The following SCAI variants were observed in gnomAD, a reference collection of about 807,000 sequenced individuals.
SCAI encodes suppressor of cancer cell invasion, also known as protein SCAI.
Under a neutral mutation model 92.2 loss-of-function variants are expected in SCAI, and 24 were observed. That is an observed-to-expected ratio of 0.26 (90% CI 0.19 to 0.37). The LOEUF (loss-of-function observed/expected upper bound fraction) is 0.37. Among genes scored for constraint, SCAI ranks in the 10% least tolerant of loss-of-function variants. SCAI has a pLI of 1.00. For synonymous variants in SCAI, 261 were observed against 258.6 expected (o/e 1.01, Z -0.09); for missense variants, 450 against 736.2 (o/e 0.61, Z 4.50).
At chr9:125,004,644 T>C (rs1832436256) in intron 9 of SCAI, among the ~76,000 whole-genome samples, 1 of 148,980 alleles carries the variant, frequency 6.7e-6, no homozygotes, top group African/African-American at 2.5e-5. Context: ...GCCCGAATTC[T>C]ATACACAGAA....
At chr9:124,971,246 A>T in intron 17 of SCAI, 124 bp downstream of exon 17, 1 of 502,094 alleles carries the variant, frequency 2.0e-6, no homozygotes. Flanking sequence ...TGTAAATATT[A>T]TTTTGAATTT....
chr9:124,987,116 C>G (rs565902168), intron 14 of SCAI, among the ~76,000 whole-genome samples: 3 of 152,096 alleles, frequency 2.0e-5, no homozygotes, highest in Non-Finnish European at 2.9e-5. Context: ...CACTGCCTCC[C>G]AGGTTCAAGA....
intron 2 of SCAI, among the ~76,000 whole-genome samples, chr9:125,071,502 CAG>C (rs1234670055): frequency 1.3e-5 from 2 of 152,084 alleles, no homozygotes; most frequent in South Asian, 2.1e-4. Context: ...ACCATGAGGA[CAG>C]AGAGTTTAAG....
At chr9:124,991,980 G>C (rs897294941) in intron 14 of SCAI, among the ~76,000 whole-genome samples, 1 of 152,134 alleles carries the variant, frequency 6.6e-6, no homozygotes, top group Non-Finnish European at 1.5e-5. Context: ...GCAGTGGCAC[G>C]ATCGCAGCTC....
chr9:125,008,918 A>T (rs1165012392), intron 9 of SCAI, among the ~76,000 whole-genome samples: 1 of 152,212 alleles, frequency 6.6e-6, no homozygotes, highest in African/African-American at 2.4e-5. Context: ...AACTGCAAAG[A>T]ATCAAAGAAA....
intron 2 of SCAI, among the ~76,000 whole-genome samples, chr9:125,074,090 T>G (rs1834035267): frequency 6.6e-6 from 1 of 151,616 alleles, no homozygotes; most frequent in Admixed American, 6.6e-5. Context: ...AAACCCCGTC[T>G]CTACTAAAAA....
chr9:125,142,785 G>C, intron 1 of SCAI, 108 bp from the exon 2 acceptor site: 1 of 907,604 alleles, frequency 1.1e-6, no homozygotes, highest in East Asian at 2.5e-5. Flanking sequence ...TGGGACCACA[G>C]GCTCGCCAAG....
intron 2 of SCAI, among the ~76,000 whole-genome samples, chr9:125,086,203 T>C (rs1834322992): frequency 6.6e-6 from 1 of 152,198 alleles, no homozygotes; most frequent in Non-Finnish European, 1.5e-5. Context: ...TTGAAAGCAG[T>C]AGCTTACAAT....
At chr9:124,984,263 A>G (rs1363991797) in intron 14 of SCAI, among the ~76,000 whole-genome samples, 4 of 152,186 alleles carry the variant, frequency 2.6e-5, no homozygotes, top group African/African-American at 9.7e-5. Flanking sequence ...GGGCCAGGGA[A>G]GAGAGAAGAT....
intron 1 of SCAI, among the ~76,000 whole-genome samples, 161 bp from the exon 2 acceptor site, chr9:125,142,838 A>G (rs1835700988): frequency 6.6e-6 from 1 of 151,740 alleles, no homozygotes; most frequent in Non-Finnish European, 1.5e-5. Context: ...TGTTTCCCCT[A>G]TTTACCAAGA....
intron 2 of SCAI, among the ~76,000 whole-genome samples, chr9:125,074,198 G>A (rs1834038993): frequency 6.7e-6 from 1 of 148,184 alleles, no homozygotes; most frequent in South Asian, 2.2e-4. Context: ...GGCAGAGGTT[G>A]CCGCGAGCCA....
At chr9:125,066,104 T>C (rs1357567575) in intron 2 of SCAI, 7 of 697,564 alleles carry the variant, frequency 1.0e-5, no homozygotes, top group African/African-American at 1.8e-5. Flanking sequence ...TAAGCTGTTA[T>C]TATTTGTACA....
chr9:125,032,164 A>T (rs1193981679), intron 3 of SCAI, among the ~76,000 whole-genome samples: 6 of 139,474 alleles, frequency 4.3e-5, no homozygotes, highest in Non-Finnish European at 9.1e-5. Context: ...GTTTAATAGT[A>T]AAATGAATAT....
At chr9:125,138,672 C>T (rs1419033546) in intron 2 of SCAI, among the ~76,000 whole-genome samples, 1 of 152,078 alleles carries the variant, frequency 6.6e-6, no homozygotes, top group Non-Finnish European at 1.5e-5. Context: ...CCTTGGCCTC[C>T]CAAAGTGCTG....
At chr9:125,016,249 G>A (rs1258188158) in intron 9 of SCAI, among the ~76,000 whole-genome samples, 5 of 150,204 alleles carry the variant, frequency 3.3e-5, no homozygotes, top group Admixed American at 6.6e-5. Context: ...TTAACCGGGC[G>A]TGGTGGCACA....
intron 2 of SCAI, among the ~76,000 whole-genome samples, chr9:125,122,227 A>T (rs1835169223): frequency 6.6e-6 from 1 of 152,294 alleles, no homozygotes; most frequent in Non-Finnish European, 1.5e-5. Flanking sequence ...CTCAATACAG[A>T]TTCTATAATT....
At chr9:125,142,717 T>C in intron 1 of SCAI, 40 bp from the exon 2 acceptor site, 1 of 1,579,654 alleles carries the variant, frequency 6.3e-7, no homozygotes, top group Non-Finnish European at 8.7e-7. Context: ...AAAAGTAACA[T>C]ACAAGAAAAC....
chr9:125,119,126 C>A (rs961569899), intron 2 of SCAI, among the ~76,000 whole-genome samples: 2 of 152,164 alleles, frequency 1.3e-5, no homozygotes, highest in Admixed American at 6.5e-5. Flanking sequence ...GGCAACATGA[C>A]AAGACCAAGA....
At chr9:125,103,338 C>T (rs932980702) in intron 2 of SCAI, among the ~76,000 whole-genome samples, 2 of 152,108 alleles carry the variant, frequency 1.3e-5, no homozygotes, top group Non-Finnish European at 2.9e-5. Flanking sequence ...TAAATGACTT[C>T]CAGGACTCCA....
Sources: allele counts gnomAD v4.1 joint callset (sites outside exome capture counted in the v4.1 genomes callset), GRCh38; gene constraint gnomAD v4.1.1; transcripts MANE v1.5; gene names NCBI Gene and HGNC (gene_info 2026-07-23, HGNC 2026-07-21).